Variants in PPP2R2B observed in about 807,000 individuals in gnomAD.
The protein encoded by PPP2R2B is serine/threonine-protein phosphatase 2A 55 kDa regulatory subunit B beta isoform.
PPP2R2B carries 5 observed loss-of-function variants against 46.0 expected under a neutral mutation model. The observed-to-expected ratio is 0.11, with a 90% CI of 0.06 to 0.23. The LOEUF (loss-of-function observed/expected upper bound fraction) is 0.23. Among genes scored for constraint, PPP2R2B ranks in the 10% least tolerant of loss-of-function variants. PPP2R2B has a pLI of 1.00. For missense variants in PPP2R2B, 367 were observed against 575.0 expected (o/e 0.64, Z 3.70); for synonymous variants, 215 against 206.7 (o/e 1.04, Z -0.34).
intron 2 of PPP2R2B, among the ~76,000 whole-genome samples, chr5:146,806,786 G>T (rs1757203388): frequency 6.6e-6 from 1 of 152,204 alleles, no homozygotes; most frequent in Non-Finnish European, 1.5e-5. Context: ...ATGGAAAAAG[G>T]ACATGACAGA....
intron 1 of PPP2R2B, among the ~76,000 whole-genome samples, chr5:147,014,329 G>T (rs889847381): frequency 6.7e-6 from 1 of 149,402 alleles, no homozygotes; most frequent in Admixed American, 6.7e-5. Context: ...TCAGTGTGGC[G>T]TTTCCTCAGG....
At chr5:146,684,539 G>A (rs1778371129) in intron 5 of PPP2R2B, among the ~76,000 whole-genome samples, 1 of 152,154 alleles carries the variant, frequency 6.6e-6, no homozygotes, top group African/African-American at 2.4e-5. Flanking sequence ...TTTTATAAAT[G>A]GGATAATCAC....
intron 2 of PPP2R2B, among the ~76,000 whole-genome samples, chr5:146,842,047 C>T (rs776533429): frequency 6.6e-6 from 1 of 152,106 alleles, no homozygotes; most frequent in Non-Finnish European, 1.5e-5. Context: ...ATCCATACTC[C>T]CTAGCCACAT....
At chr5:146,767,309 A>T (rs1158542939) in intron 2 of PPP2R2B, among the ~76,000 whole-genome samples, 1 of 152,034 alleles carries the variant, frequency 6.6e-6, no homozygotes, top group African/African-American at 2.4e-5. Flanking sequence ...TCTGTAAGCA[A>T]ATTTCATTTA....
chr5:146,653,803 G>A (rs909159168), intron 5 of PPP2R2B, among the ~76,000 whole-genome samples: 1 of 151,912 alleles, frequency 6.6e-6, no homozygotes, highest in Admixed American at 6.6e-5. Flanking sequence ...CTCCGTGTAG[G>A]TATCTGGGGA....
Position 146,683,314 on chromosome 5 carries a change from G to T in PPP2R2B, c.447+7814C>A, listed in dbSNP as rs1280732336. Among the ~76,000 whole-genome samples the T allele has an allele frequency of 2.6e-5, 4 of 152,282 alleles. No individual in the cohort carries two copies. The South Asian group carries it at 8.3e-4, about 32-fold the overall frequency. On this transcript the variant is annotated intron_variant, in intron 5 of 9. Transcript: ENST00000394411. ...TGTTTTGGCTTACACTGAATATTCA[G>T]ATGCATATATTAGGCATTCTATTTT... is the stretch of plus-strand genomic sequence containing the variant.
chr5:147,059,589 A>G (rs1757197353), upstream of PPP2R2B, among the ~76,000 whole-genome samples: 1 of 152,160 alleles, frequency 6.6e-6, no homozygotes, highest in South Asian at 2.1e-4. Context: ...CAGAGAAAGG[A>G]AAGATAAAGG....
intron 6 of PPP2R2B, among the ~76,000 whole-genome samples, chr5:146,638,649 TC>T (rs1412539298): frequency 1.2e-4 from 19 of 152,196 alleles, no homozygotes; most frequent in Non-Finnish European, 2.5e-4. Context: ...TCTTGACTCC[TC>T]ATTTGTGTTT....
At chr5:147,041,780 T>C (rs1461759089) in intron 1 of PPP2R2B, among the ~76,000 whole-genome samples, 2 of 152,190 alleles carry the variant, frequency 1.3e-5, no homozygotes, top group African/African-American at 4.8e-5. Context: ...TTTTCTACCA[T>C]AGCTTCATGG....
chr5:146,634,732 G>A (rs1315558123), intron 7 of PPP2R2B, among the ~76,000 whole-genome samples: 1 of 151,404 alleles, frequency 6.6e-6, no homozygotes, highest in African/African-American at 2.4e-5. Flanking sequence ...ATAACCATGT[G>A]ATCTCATTCC....
intron 5 of PPP2R2B, among the ~76,000 whole-genome samples, chr5:146,676,242 G>A (rs547211263): frequency 1.3e-5 from 2 of 152,218 alleles, no homozygotes; most frequent in African/African-American, 4.8e-5. Context: ...AGCTATCTGG[G>A]CAAAGTAGGG....
chr5:146,907,451 C>T (rs1292508433), intron 1 of PPP2R2B, among the ~76,000 whole-genome samples: 1 of 149,324 alleles, frequency 6.7e-6, no homozygotes, highest in South Asian at 2.1e-4. Flanking sequence ...ATTTCATGTA[C>T]CCAGGAGCCA....
At position 146,588,287 on chromosome 5, in the gene PPP2R2B, C is replaced by T. The variant is rs1770271401; in HGVS notation, c.*1660G>A. 1 of 152,144 alleles carries T rather than the reference C, an allele frequency of 6.6e-6. No homozygotes were observed. The highest frequency in any genetic ancestry group is 2.4e-5 in the African/African-American group (1 of 41,434). The allele number at this position is 152,144 out of a possible 1,614,324, so 9.4% of individuals were successfully genotyped here. On this transcript the variant is annotated 3_prime_UTR_variant, in exon 10 of 10. Transcript: ENST00000394411. ...GCTGCATCTAACAAGACTGTTTTTA[C>T]CTAAGGTGACAGTTATTTCCTTGCC...
At chr5:146,919,571 G>C (rs1486952619) in intron 1 of PPP2R2B, 1 of 152,216 alleles carries the variant, frequency 6.6e-6, no homozygotes, top group Admixed American at 6.5e-5. Context: ...AGACCACCCA[G>C]CTGAGACAGG....
At chr5:147,078,420 G>A (rs1757859670) in intron 2 of PPP2R2B, among the ~76,000 whole-genome samples, 1 of 152,058 alleles carries the variant, frequency 6.6e-6, no homozygotes, top group Non-Finnish European at 1.5e-5. Flanking sequence ...TGGATTACTT[G>A]GAACAAGTCA....
intron 2 of PPP2R2B, among the ~76,000 whole-genome samples, chr5:146,859,453 A>G (rs965964941): frequency 6.6e-6 from 1 of 152,224 alleles, no homozygotes; most frequent in Non-Finnish European, 1.5e-5. Flanking sequence ...CAGCAGTGCC[A>G]AAGACAACTG....
At chr5:146,881,392 ATTTTTATTTTCTT>A (rs201580774), upstream of PPP2R2B, among the ~76,000 whole-genome samples, 192 of 150,638 alleles carry the variant, frequency 1.3e-3, no homozygotes, top group East Asian at 0.028. Flanking sequence ...TAGATCTTTT[ATTTTTATTTTCTT>A]TTTTTATTTT....
At chr5:146,878,881 A>C, upstream of PPP2R2B, 1 of 1,162,756 alleles carries the variant, frequency 8.6e-7, no homozygotes, top group Non-Finnish European at 1.1e-6. This position sits in a 1 kb window ranked among gnomAD's most constrained non-coding sequence, Gnocchi z 4.5. Context: ...TCTTTGCTGC[A>C]GTGGGGCGCA....
At chr5:146,811,262 T>A (rs1757524685) in intron 2 of PPP2R2B, among the ~76,000 whole-genome samples, 1 of 152,196 alleles carries the variant, frequency 6.6e-6, no homozygotes, top group Admixed American at 6.5e-5. Flanking sequence ...CCTCTGAAAG[T>A]GCTGGGATTA....
Sources: gnomAD v4.1 joint callset for allele counts (sites outside exome capture counted in the v4.1 genomes callset) on GRCh38, gnomAD v4.1.1 for gene constraint, Gnocchi (gnomAD v3.1) non-coding constraint, MANE v1.5 for transcripts, NCBI Gene and HGNC (gene_info 2026-07-23, HGNC 2026-07-21) for gene names.